DOCK2: variants seen among roughly 807,000 people sequenced by gnomAD.
DOCK2 encodes the protein dedicator of cytokinesis protein 2.
A neutral mutation model predicts 248.9 loss-of-function variants in DOCK2; 87 were observed. The observed-to-expected ratio is 0.35, with a 90% confidence interval of 0.29 to 0.42. The LOEUF is 0.42. Ranked by LOEUF, DOCK2 falls within the 10% of genes least tolerant of loss-of-function variation. The probability of loss-of-function intolerance (pLI) is 1.00; values close to 1 mark genes in which losing one functional copy is unlikely to be tolerated. For missense variants in DOCK2, 1,747 were observed against 2,300.2 expected, an observed-to-expected ratio of 0.76 and a Z score of 4.92; for synonymous variants, 805 against 821.6, an observed-to-expected ratio of 0.98 and a Z score of 0.35.
At chr5:169,801,068 G>GGTTAAGCTATTCTCCTGCCTCAGC in intron 25 of DOCK2, among the ~76,000 whole-genome samples, 1 of 145,292 alleles carries the variant, frequency 6.9e-6, no homozygotes, top group Non-Finnish European at 1.5e-5. Context: ...CTTCTGCCTG[G>GGTTAAGCTATTCTCCTGCCTCAGC]CTTAAGCTAT....
chr5:169,682,789 A>C (rs907726690), intron 7 of DOCK2, among the ~76,000 whole-genome samples: 1 of 152,152 alleles, frequency 6.6e-6, no homozygotes, highest in Admixed American at 6.5e-5. Flanking sequence ...TCACCCTAAA[A>C]GTTTCTTTGT....
At chr5:169,932,174 C>T (rs888705579) in intron 27 of DOCK2, among the ~76,000 whole-genome samples, 3 of 152,284 alleles carry the variant, frequency 2.0e-5, no homozygotes, top group East Asian at 1.9e-4. Flanking sequence ...TTAACATCAA[C>T]GGTGAGTATC....
intron 17 of DOCK2, among the ~76,000 whole-genome samples, 172 bp from the exon 18 acceptor site, chr5:169,713,856 A>C (rs749357479): frequency 2.0e-5 from 3 of 152,094 alleles, no homozygotes; most frequent in Non-Finnish European, 2.9e-5. Flanking sequence ...TCTTACCTGT[A>C]TTGTGGAAAA....
At chr5:169,784,316 G>A (rs899101797) in intron 25 of DOCK2, among the ~76,000 whole-genome samples, 1 of 152,170 alleles carries the variant, frequency 6.6e-6, no homozygotes, top group Non-Finnish European at 1.5e-5. Context: ...ACAAAACACA[G>A]ACGGGAAAAG....
Position 169,708,735 on chromosome 5 carries a change from T to C in DOCK2, c.1482+468T>C, listed in dbSNP as rs148037353. Among the ~76,000 whole-genome samples the C allele has an allele frequency of 4.6e-3, 703 of 152,126 alleles. 3 individuals are homozygous for C. Among genetic ancestry groups the C allele is most frequent in the African/African-American group, 0.016 (672 of 41,508 alleles). ...GTGTGCCACCACACCAGGCTAATTT[T>C]TGTGTTTTTAGTAGAAATGGGGTTT... is the stretch of plus-strand genomic sequence containing the variant. On this transcript the variant is annotated intron_variant, in intron 15 of 51. Transcript: ENST00000520908.
chr5:169,765,070 G>GCGCACACA (rs1554098290), intron 25 of DOCK2, among the ~76,000 whole-genome samples: 9 of 146,602 alleles, frequency 6.1e-5, no homozygotes, highest in Non-Finnish European at 9.0e-5. Flanking sequence ...CTCTTTTAGC[G>GCGCACACA]CACACACACA....
At chr5:169,957,156 C>G (rs1445554745) in intron 27 of DOCK2, among the ~76,000 whole-genome samples, 1 of 152,176 alleles carries the variant, frequency 6.6e-6, no homozygotes, top group African/African-American at 2.4e-5. Context: ...ATTTGCTTCT[C>G]ATTGCCTGGT....
intron 30 of DOCK2, among the ~76,000 whole-genome samples, chr5:169,998,615 G>A (rs961373059): frequency 2.6e-5 from 4 of 152,214 alleles, no homozygotes; most frequent in African/African-American, 4.8e-5. Context: ...TAAGGAGGCA[G>A]GAAGTAAGAC....
At chr5:169,663,425 G>A (rs944327255) in intron 2 of DOCK2, among the ~76,000 whole-genome samples, 5 of 152,208 alleles carry the variant, frequency 3.3e-5, no homozygotes, top group Non-Finnish European at 5.9e-5. Context: ...AGTGCCTCAC[G>A]GGGGACTCTG....
chr5:169,881,185 G>T (rs1171515246), intron 27 of DOCK2, among the ~76,000 whole-genome samples: 1 of 152,196 alleles, frequency 6.6e-6, no homozygotes, highest in East Asian at 1.9e-4. Context: ...AAAAGGGTAT[G>T]CTCATAGACT....
chr5:169,689,138 A>T, intron 8 of DOCK2, 114 bp from the exon 9 acceptor site: 1 of 923,948 alleles, frequency 1.1e-6, no homozygotes. Context: ...AAACACCTGC[A>T]TACCCCCAGC....
At chr5:169,814,594 T>C (rs770490770) in intron 26 of DOCK2, among the ~76,000 whole-genome samples, 1 of 152,152 alleles carries the variant, frequency 6.6e-6, no homozygotes, top group Non-Finnish European at 1.5e-5. Context: ...ATGTAAGAGG[T>C]TAACATTAAC....
intron 25 of DOCK2, among the ~76,000 whole-genome samples, chr5:169,796,859 G>A (rs1001525531): frequency 1.3e-5 from 2 of 152,188 alleles, no homozygotes; most frequent in African/African-American, 4.8e-5. Flanking sequence ...ACAGAGAGAG[G>A]GAGGTGGAGG....
intron 27 of DOCK2, among the ~76,000 whole-genome samples, chr5:169,981,944 C>A (rs932799955): frequency 6.6e-6 from 1 of 151,746 alleles, no homozygotes; most frequent in African/African-American, 2.4e-5. Flanking sequence ...CACTTTATTG[C>A]GGTGGTCTGG....
intron 26 of DOCK2, among the ~76,000 whole-genome samples, chr5:169,837,676 A>G (rs952894239): frequency 4.6e-5 from 7 of 152,148 alleles, no homozygotes; most frequent in African/African-American, 1.7e-4. Context: ...GCCACATTTT[A>G]TAAACAAAGA....
chr5:169,902,783 C>T (rs1162520668), intron 27 of DOCK2, among the ~76,000 whole-genome samples: 1 of 152,130 alleles, frequency 6.6e-6, no homozygotes, highest in Non-Finnish European at 1.5e-5. Flanking sequence ...CCAGAGCCCA[C>T]AGAGTAGTGA....
intron 26 of DOCK2, among the ~76,000 whole-genome samples, chr5:169,827,927 C>A (rs1327190359): frequency 6.6e-6 from 1 of 151,908 alleles, no homozygotes; most frequent in Non-Finnish European, 1.5e-5. Context: ...ACTCTGTTGG[C>A]GGGGGTGGGT....
chr5:169,753,166 T>C (rs189524033), intron 23 of DOCK2, among the ~76,000 whole-genome samples: 27 of 152,338 alleles, frequency 1.8e-4, no homozygotes, highest in Admixed American at 3.9e-4. Flanking sequence ...GTTAGCTCAA[T>C]TGATCTTTGT....
chr5:170,027,276 G>T (rs1050513797), intron 33 of DOCK2, among the ~76,000 whole-genome samples: 1 of 152,156 alleles, frequency 6.6e-6, no homozygotes, highest in Non-Finnish European at 1.5e-5. Flanking sequence ...AGCTAGGCTT[G>T]TGTCAGGTTT....
Sources: allele counts gnomAD v4.1 joint callset (sites outside exome capture counted in the v4.1 genomes callset), GRCh38; gene constraint gnomAD v4.1.1; transcripts MANE v1.5; gene names NCBI Gene and HGNC (gene_info 2026-07-23, HGNC 2026-07-21).